Variants in APP observed in about 807,000 individuals in gnomAD.
APP encodes amyloid beta precursor protein.
Under a neutral mutation model 101.4 loss-of-function variants are expected in APP, and 31 were observed. That is an observed-to-expected ratio of 0.31 (90% CI 0.23 to 0.41). APP has a LOEUF of 0.41. APP is among the 10% of genes least tolerant of loss of function. APP has a pLI of 1.00. For missense variants in APP, 839 were observed against 1,003.7 expected (o/e 0.84, Z 2.22); for synonymous variants, 366 against 364.4 (o/e 1.00, Z -0.05).
intron 1 of APP, among the ~76,000 whole-genome samples, chr21:26,138,875 C>T (rs771071636): frequency 6.6e-6 from 1 of 152,162 alleles, no homozygotes; most frequent in Non-Finnish European, 1.5e-5. Flanking sequence ...TCAGGAACTG[C>T]TCCCTTGTTG....
intron 2 of APP, among the ~76,000 whole-genome samples, chr21:26,111,449 T>TGTGGA (rs2062320545): frequency 6.7e-6 from 1 of 150,206 alleles, no homozygotes; most frequent in Non-Finnish European, 1.5e-5. Context: ...ATGAAAGGAG[T>TGTGGA]GTGGAGGGCT....
intron 1 of APP, among the ~76,000 whole-genome samples, chr21:26,114,562 T>C (rs903359867): frequency 9.2e-5 from 14 of 152,328 alleles, no homozygotes; most frequent in South Asian, 4.1e-4. Context: ...CAATTCTTCA[T>C]TGCTCTCTGG....
intron 11 of APP, among the ~76,000 whole-genome samples, chr21:25,967,764 A>T (rs1410383802): frequency 6.6e-6 from 1 of 152,208 alleles, no homozygotes; most frequent in Admixed American, 6.5e-5. Context: ...TCATGAAGCT[A>T]TGAATAGTTT....
intron 13 of APP, among the ~76,000 whole-genome samples, chr21:25,940,335 C>T (rs868195444): frequency 1.2e-4 from 18 of 152,048 alleles, no homozygotes; most frequent in South Asian, 6.2e-4. Flanking sequence ...TGTAGAAATA[C>T]GGTGCTAAAA....
intron 8 of APP, among the ~76,000 whole-genome samples, chr21:25,994,220 A>T (rs979011203): frequency 1.3e-5 from 2 of 152,246 alleles, no homozygotes; most frequent in Admixed American, 6.5e-5. Context: ...TATATTTTGA[A>T]GATTAAATGT....
At chr21:26,122,216 G>A (rs1414305220) in intron 1 of APP, among the ~76,000 whole-genome samples, 2 of 152,232 alleles carry the variant, frequency 1.3e-5, no homozygotes, top group Non-Finnish European at 2.9e-5. Context: ...ATTCAGGCTA[G>A]GATGGGGAGA....
chr21:25,886,413 T>C (rs915101520), intron 17 of APP, among the ~76,000 whole-genome samples: 3 of 151,654 alleles, frequency 2.0e-5, no homozygotes, highest in African/African-American at 4.9e-5. Flanking sequence ...TTTTTTTTTT[T>C]AAGACAGTCT....
At chr21:26,072,107 G>T (rs539825121) in intron 3 of APP, among the ~76,000 whole-genome samples, 52 of 152,300 alleles carry the variant, frequency 3.4e-4, no homozygotes, top group African/African-American at 1.2e-3. Context: ...CACCTTTGGG[G>T]GAAAACAGCT....
rs952727634 is a variant in APP at position 25,881,591 on chromosome 21, A to G, written c.*79T>C. 1 of 1,492,686 alleles carries G rather than the reference A, an allele frequency of 6.7e-7. No homozygotes were observed. Among genetic ancestry groups the G allele is most frequent in the South Asian group, 1.1e-5 (1 of 88,574 alleles). The allele number at this position is 1,492,686 out of a possible 1,614,324, so 92.5% of individuals were successfully genotyped here. A position where few individuals can be genotyped will look rare whatever the true frequency, so the allele number is the denominator to read the frequency against. ...ATAAAACGGGTTTGTTTCTTCCCAC[A>G]TTATTCTATAAATGGACACCGATGG... On this transcript the variant is annotated 3_prime_UTR_variant, in exon 18 of 18. Coordinates refer to ENST00000346798, the MANE Select transcript of APP (RefSeq NM_000484.4).
At chr21:26,168,433 T>G (rs2146405742) in intron 1 of APP, among the ~76,000 whole-genome samples, 1 of 152,328 alleles carries the variant, frequency 6.6e-6, no homozygotes, top group Non-Finnish European at 1.5e-5. Context: ...AATGTGAATC[T>G]CACCTCCACC....
intron 1 of APP, among the ~76,000 whole-genome samples, chr21:26,152,149 G>A (rs896560612): frequency 2.6e-5 from 4 of 151,916 alleles, no homozygotes; most frequent in African/African-American, 9.7e-5. Flanking sequence ...GCCGGGCGTG[G>A]TGGCGGGCGC....
At chr21:25,908,874 G>A (rs7281055) in intron 14 of APP, among the ~76,000 whole-genome samples, 37,351 of 152,056 alleles carry the variant, frequency 0.25, 7,805 homozygotes, top group African/African-American at 0.57. Context: ...CACATAGCAG[G>A]GCTGGAATTT....
At chr21:26,024,487 C>T (rs764845658) in intron 5 of APP, among the ~76,000 whole-genome samples, 1 of 152,152 alleles carries the variant, frequency 6.6e-6, no homozygotes, top group Non-Finnish European at 1.5e-5. Flanking sequence ...AGATTCCAAA[C>T]ACGTGAGACA....
At chr21:26,149,563 A>T (rs2063219960) in intron 1 of APP, among the ~76,000 whole-genome samples, 1 of 152,226 alleles carries the variant, frequency 6.6e-6, no homozygotes, top group Admixed American at 6.5e-5. Context: ...ATTTCTTTTC[A>T]CTGGAACCAA....
At chr21:25,890,193 T>TC (rs1293086227) in intron 17 of APP, among the ~76,000 whole-genome samples, 2 of 152,174 alleles carry the variant, frequency 1.3e-5, no homozygotes, top group African/African-American at 4.8e-5. Context: ...TCTCTTGGTT[T>TC]CCTTCCTCAC....
At chr21:26,053,133 A>T in intron 4 of APP, 103 bp downstream of exon 4, 2 of 898,714 alleles carry the variant, frequency 2.2e-6, no homozygotes. Context: ...TTCTTAAATA[A>T]CTTATCAACA....
Position 26,131,019 on chromosome 21 carries a change from C to T in APP, c.58-18873G>A, listed in dbSNP as rs541084791. 4.4e-3 allele frequency among the ~76,000 whole-genome samples: 672 copies of T among 152,166 alleles called. 2 individuals are homozygous for T. Among genetic ancestry groups the T allele is most frequent in the Middle Eastern group, 0.014 (4 of 294 alleles). ...CCGAGGCAGGTGGATCACGTGAGGT[C>T]GGGAGTTCGAGACCAGCCTGACCAA... On this transcript the variant is annotated intron_variant, in intron 1 of 17. Coordinates refer to ENST00000346798, the MANE Select transcript of APP (RefSeq NM_000484.4).
chr21:26,051,081 T>C lies in APP; in HGVS notation c.581A>G (p.Asp194Gly), dbSNP rs201460828. ...FVCCPLAEES[D>G]NVDSADAEED... is the part of the protein sequence containing the mutation. ...CTCCGCATCAGCAGAATCCACATTG[T>C]CACTTTCTTCAGCCAGTGGGCAACA... The change falls in exon 5 of 18, where the codon GAC (aspartate) becomes GGC (glycine). Residue 194 changes from aspartate to glycine, a missense_variant. Physicochemically the swap from Asp to Gly is moderately conservative, Grantham distance 94. Transcript: ENST00000346798. The C allele has an allele frequency of 4.9e-5, 79 of 1,614,018 alleles. 1 individual carries two copies. In the South Asian group the frequency reaches 8.7e-4, roughly 18 times the overall value.
intron 3 of APP, chr21:26,068,130 T>G (rs1379528304): frequency 6.6e-6 from 1 of 152,172 alleles, no homozygotes; most frequent in East Asian, 1.9e-4. Context: ...CATACCATAC[T>G]CAGAAAGCCA....
Sources: gnomAD v4.1 joint callset for allele counts (sites outside exome capture counted in the v4.1 genomes callset) on GRCh38, gnomAD v4.1.1 for gene constraint, MANE v1.5 for transcripts, NCBI Gene and HGNC (gene_info 2026-07-23, HGNC 2026-07-21) for gene names.